Variants in MROH7 observed in about 807,000 individuals in gnomAD.
The protein encoded by MROH7 is maestro heat-like repeat-containing protein family member 7.
A neutral mutation model predicts 129.2 loss-of-function variants in MROH7; 113 were observed. The observed-to-expected ratio is 0.87, with a 90% CI of 0.75 to 1.02. The LOEUF is 1.02. Among genes scored for constraint, MROH7 ranks in the 50% least tolerant of loss-of-function variants. The pLI is 0.00. For synonymous variants in MROH7, 655 were observed against 667.9 expected, an observed-to-expected ratio of 0.98 and a Z score of 0.30; for missense variants, 1,601 against 1,671.3, an observed-to-expected ratio of 0.96 and a Z score of 0.73.
intron 22 of MROH7, 38 bp downstream of exon 22, chr1:54,706,575 C>T (rs1307849056): frequency 6.9e-7 from 1 of 1,458,852 alleles, no homozygotes; most frequent in East Asian, 2.3e-5. Context: ...GCTGCCAGGG[C>T]TCTGCCTGCT....
chr1:54,644,883 C>T (rs1453217798), intron 1 of MROH7, among the ~76,000 whole-genome samples: 1 of 151,186 alleles, frequency 6.6e-6, no homozygotes, highest in Non-Finnish European at 1.5e-5. Flanking sequence ...AATCTCAGCT[C>T]ACTGCAACCT....
chr1:54,658,681 T>A (rs1644684955), intron 3 of MROH7, among the ~76,000 whole-genome samples: 1 of 151,600 alleles, frequency 6.6e-6, no homozygotes, highest in South Asian at 2.1e-4. Context: ...CCCAGAAGCT[T>A]CCCTTGTGTC....
intron 7 of MROH7, among the ~76,000 whole-genome samples, chr1:54,671,576 A>G (rs1480779100): frequency 6.6e-6 from 1 of 152,216 alleles, no homozygotes; most frequent in African/African-American, 2.4e-5. Context: ...CTGGAGAAGC[A>G]GAACCTCAGG....
At chr1:54,684,774 T>A (rs547339914) in intron 14 of MROH7, among the ~76,000 whole-genome samples, 47 of 152,344 alleles carry the variant, frequency 3.1e-4, no homozygotes, top group African/African-American at 1.1e-3. Context: ...CTAGCCTTGG[T>A]GCTTATATCT....
At position 54,702,064 on chromosome 1, in the gene MROH7, C is replaced by G. The variant is rs1316471910; in HGVS notation, c.3286-26C>G. 5.2e-6 allele frequency: 8 copies of G among 1,541,356 alleles called. No homozygotes were observed. In the African/African-American group the frequency reaches 9.7e-5, roughly 19 times the overall value. ...TGAGTGGCGTCCCAGAGGAGGGACC[C>G]CCTCTGAGCCTTTGGTCTTCCCCAG... On this transcript the variant is annotated intron_variant, in intron 19 of 23. Coordinates refer to ENST00000421030, the MANE Select transcript of MROH7 (RefSeq NM_001039464.4).
intron 1 of MROH7, among the ~76,000 whole-genome samples, chr1:54,643,200 G>T (rs1644414344): frequency 6.6e-6 from 1 of 152,208 alleles, no homozygotes; most frequent in Non-Finnish European, 1.5e-5. Context: ...CACATTTGGG[G>T]ATTCCAGGAA....
intron 3 of MROH7, among the ~76,000 whole-genome samples, chr1:54,658,329 G>C (rs1201060207): frequency 1.3e-5 from 2 of 151,992 alleles, no homozygotes; most frequent in African/African-American, 4.8e-5. Flanking sequence ...TGTTTCATTG[G>C]TCTATATGTC....
chr1:54,699,159 T>TTTCTTTCTTTG (rs71048705), intron 17 of MROH7: 2 of 65,978 alleles, frequency 3.0e-5, no homozygotes, highest in South Asian at 1.3e-3. Context: ...TCTTTCTTTC[T>TTTCTTTCTTTG]TTTCTTTCTT....
intron 2 of MROH7, among the ~76,000 whole-genome samples, 191 bp from the exon 3 acceptor site, chr1:54,652,662 G>T (rs977122612): frequency 6.6e-6 from 1 of 152,216 alleles, no homozygotes; most frequent in Admixed American, 6.5e-5. Context: ...GAGGGAGCAG[G>T]TTGTGGTCAA....
intron 3 of MROH7, chr1:54,663,705 A>T (rs1557698855): frequency 7.3e-6 from 3 of 413,764 alleles, no homozygotes; most frequent in South Asian, 3.5e-5. Flanking sequence ...AAAAAAACAA[A>T]AAAAAAACAA....
At chr1:54,654,320 G>A (rs1472276058) in intron 3 of MROH7, among the ~76,000 whole-genome samples, 163 bp downstream of exon 3, 1 of 152,216 alleles carries the variant, frequency 6.6e-6, no homozygotes, top group African/African-American at 2.4e-5. Flanking sequence ...GCCTCTGCTA[G>A]CAATGTGACC....
At chr1:54,681,282 C>A (rs942096690) in intron 13 of MROH7, among the ~76,000 whole-genome samples, 1 of 152,122 alleles carries the variant, frequency 6.6e-6, no homozygotes, top group African/African-American at 2.4e-5. Context: ...TCAGGTGTGA[C>A]GAAAGGAGAC....
intron 22 of MROH7, among the ~76,000 whole-genome samples, chr1:54,708,417 A>AAAC: frequency 6.6e-6 from 1 of 150,552 alleles, no homozygotes; most frequent in South Asian, 2.1e-4. Flanking sequence ...ACACTGTCTA[A>AAAC]AAACAAACAA....
At chr1:54,666,852 T>G (rs1449356940) in intron 4 of MROH7, among the ~76,000 whole-genome samples, 2 of 152,196 alleles carry the variant, frequency 1.3e-5, no homozygotes, top group Non-Finnish European at 2.9e-5. Context: ...TGTGGTTACA[T>G]TCTTGGTCTT....
chr1:54,682,619 T>C, intron 13 of MROH7, 37 bp from the exon 14 acceptor site: 1 of 1,594,434 alleles, frequency 6.3e-7, no homozygotes, highest in Non-Finnish European at 8.6e-7. Context: ...CCCACTGCCT[T>C]GGCCACCACT....
rs369893133 is a variant in MROH7 at position 54,674,164 on chromosome 1, G to A, written c.1936+13G>A. ...GAGCTCCAAAAACGTAAGCCCTATCGGAGTACTTCTGAAGGAAGTCTTCTG... is the reference window on the plus strand; with the variant it reads ...GAGCTCCAAAAACGTAAGCCCTATCAGAGTACTTCTGAAGGAAGTCTTCTG... On this transcript the variant is annotated intron_variant, in intron 10 of 23. Transcript: ENST00000421030. The A allele has an allele frequency of 2.2e-4, 349 of 1,609,160 alleles. No homozygotes were observed. Among genetic ancestry groups the A allele is most frequent in the Non-Finnish European group, 2.7e-4 (318 of 1,178,076 alleles).
chr1:54,674,116 T>A lies in MROH7; in HGVS notation c.1901T>A (p.Ile634Asn). Residue 634 changes from isoleucine to asparagine, a missense_variant, in exon 10 of 24, where the codon ATC (isoleucine) becomes AAC (asparagine). Coordinates refer to ENST00000421030, the MANE Select transcript of MROH7 (RefSeq NM_001039464.4). The stretch of plus-strand genomic sequence containing the variant: ...ATTGGCTGTGAGGCTCTGGACGGCA[T>A]CATCATCCTCTACACTATTCTGGAG... ...EEIGCEALDG[I>N]IILYTILELQ... The A allele has an allele frequency of 6.2e-7, 1 of 1,613,934 alleles. No homozygotes were observed. The highest frequency in any genetic ancestry group is 8.5e-7 in the Non-Finnish European group (1 of 1,179,948).
At chr1:54,654,334 G>A (rs1644608061) in intron 3 of MROH7, among the ~76,000 whole-genome samples, 177 bp downstream of exon 3, 1 of 152,190 alleles carries the variant, frequency 6.6e-6, no homozygotes, top group African/African-American at 2.4e-5. Context: ...TGTGACCTGG[G>A]ACAAGCTAAT....
intron 1 of MROH7, among the ~76,000 whole-genome samples, chr1:54,650,282 T>G (rs1644534604): frequency 6.6e-6 from 1 of 152,218 alleles, no homozygotes; most frequent in South Asian, 2.1e-4. Context: ...AGCAAGAGGT[T>G]GAGCTGGGCT....
Sources: allele counts gnomAD v4.1 joint callset (sites outside exome capture counted in the v4.1 genomes callset), GRCh38; gene constraint gnomAD v4.1.1; transcripts MANE v1.5; gene names NCBI Gene and HGNC (gene_info 2026-07-23, HGNC 2026-07-21).